Variants in PKD1L1 observed in about 807,000 individuals in gnomAD.
PKD1L1 encodes the protein polycystin-1-like protein 1.
Under a neutral mutation model 323.4 loss-of-function variants are expected in PKD1L1, and 236 were observed. The ratio of observed to expected loss-of-function variants is 0.73; its 90% confidence interval spans 0.66 to 0.81. The LOEUF (loss-of-function observed/expected upper bound fraction) is 0.81. Ranked by LOEUF, PKD1L1 falls within the 40% of genes least tolerant of loss-of-function variation. The probability of loss-of-function intolerance (pLI) is 0.00; values close to 1 mark genes in which losing one functional copy is unlikely to be tolerated. For synonymous variants in PKD1L1, 1,344 were observed against 1,335.0 expected (o/e 1.01, Z -0.15); for missense variants, 3,320 against 3,508.0 (o/e 0.95, Z 1.35).
rs1414318524 is a variant in PKD1L1 at position 47,827,453 on chromosome 7, G to T, written c.6751C>A (p.Gln2251Lys). The change falls in exon 45 of 57, where the codon CAA becomes AAA. Residue 2251 changes from glutamine (Q) to lysine (K), a missense_variant. Physicochemically the swap from Gln to Lys is moderately conservative, Grantham distance 53. Coordinates refer to ENST00000289672, the MANE Select transcript of PKD1L1 (RefSeq NM_138295.5). The part of the protein sequence containing the change: ...GEVEKVLAAR[Q>K]QARHLRWAHP... ...GCCCAGCGCAGGTGGCGAGCTTGTT[G>T]TCGGGCAGCCAAGACCTGTCAGGGA... 3 of 1,609,516 alleles carry T rather than the reference G, an allele frequency of 1.9e-6. No homozygotes were observed. The highest frequency in any genetic ancestry group is 2.5e-6 in the Non-Finnish European group (3 of 1,179,030).
chr7:47,877,926 G>A (rs1395118125), intron 21 of PKD1L1, among the ~76,000 whole-genome samples: 10 of 152,080 alleles, frequency 6.6e-5, no homozygotes, highest in African/African-American at 1.9e-4. Flanking sequence ...AACACTCACT[G>A]GGTGGGGCAG....
intron 15 of PKD1L1, 42 bp from the exon 16 acceptor site, chr7:47,890,805 CAG>C (rs1380357265): frequency 6.3e-7 from 1 of 1,577,180 alleles, no homozygotes; most frequent in South Asian, 1.1e-5. Flanking sequence ...GAGCATCAGG[CAG>C]AGTCAGGGAC....
intron 46 of PKD1L1, among the ~76,000 whole-genome samples, chr7:47,816,158 C>T (rs576247505): frequency 4.6e-5 from 7 of 152,300 alleles, no homozygotes; most frequent in Admixed American, 1.3e-4. Context: ...GCCGACTGGG[C>T]GCAGCATGTG....
At chr7:47,830,669 A>G (rs1475622804) in intron 42 of PKD1L1, among the ~76,000 whole-genome samples, 1 of 152,148 alleles carries the variant, frequency 6.6e-6, no homozygotes, top group Non-Finnish European at 1.5e-5. Context: ...GAGAGACGGG[A>G]AGAAAGGGCC....
intron 26 of PKD1L1, among the ~76,000 whole-genome samples, chr7:47,860,568 C>T (rs751281046): frequency 2.7e-4 from 41 of 152,092 alleles, no homozygotes; most frequent in Admixed American, 9.2e-4. Flanking sequence ...TTTGGAAATG[C>T]GTTTAAACTA....
chr7:47,894,396 T>C (rs1786892193), intron 14 of PKD1L1, among the ~76,000 whole-genome samples: 1 of 152,240 alleles, frequency 6.6e-6, no homozygotes, highest in Admixed American at 6.5e-5. Context: ...TTCAGGCTCC[T>C]GGCTTTTGTG....
At chr7:47,811,680 G>C in intron 50 of PKD1L1, 137 bp downstream of exon 50, 1 of 680,906 alleles carries the variant, frequency 1.5e-6, no homozygotes, top group Non-Finnish European at 2.5e-6. Flanking sequence ...CTGCAAGAAG[G>C]GGATGTGACA....
Position 47,800,426 on chromosome 7 carries a change from G to A in PKD1L1, c.8193+223C>T, listed in dbSNP as rs118172234. On this transcript the variant is annotated intron_variant, in intron 54 of 56. Transcript: ENST00000289672. ...TTCCTGGAGGAAGTGGCACCCTGGG[G>A]TGGCTGCTCTCGTGCTGGACTATTC... is the stretch of plus-strand genomic sequence containing the variant. Among the ~76,000 whole-genome samples the A allele has an allele frequency of 2.9e-3, 435 of 152,272 alleles. 2 individuals are homozygous for A. The highest frequency in any genetic ancestry group is 9.3e-3 in the African/African-American group (386 of 41,554).
intron 39 of PKD1L1, 58 bp from the exon 40 acceptor site, chr7:47,834,443 G>A: frequency 7.1e-7 from 1 of 1,402,368 alleles, no homozygotes; most frequent in African/African-American, 1.4e-5. Flanking sequence ...CATTTAAACA[G>A]GGATATGTTT....
At chr7:47,805,720 T>G (rs1562938300) in intron 52 of PKD1L1, among the ~76,000 whole-genome samples, 1 of 152,208 alleles carries the variant, frequency 6.6e-6, no homozygotes, top group Non-Finnish European at 1.5e-5. Context: ...AGTTCTGTGC[T>G]TAGGAATGCA....
Position 47,918,472 on chromosome 7 carries a change from CA to C in PKD1L1, c.1061-2874del, listed in dbSNP as rs201869839. Among the ~76,000 whole-genome samples, 866 of 123,546 alleles carry C rather than the reference CA, an allele frequency of 7.0e-3. 7 individuals carry two copies. Among genetic ancestry groups the C allele is most frequent in the African/African-American group, 0.036 (787 of 22,072 alleles). The allele number at this position is 123,546 out of a possible 152,430, so 81.1% of individuals were successfully genotyped here. On this transcript the variant is annotated intron_variant, in intron 7 of 56. Coordinates refer to ENST00000289672, the MANE Select transcript of PKD1L1 (RefSeq NM_138295.5). ...GGTCATCAAGACAGAAAGTCAACAA[CA>C]AAAAAAAAAACAATGGATTTAAACT... is the stretch of plus-strand genomic sequence containing the variant.
At chr7:47,849,438 C>T (rs2128740194) in intron 31 of PKD1L1, among the ~76,000 whole-genome samples, 1 of 152,222 alleles carries the variant, frequency 6.6e-6, no homozygotes, top group Middle Eastern at 3.4e-3. Context: ...AAAAAATTTG[C>T]AAACTATGCA....
At chr7:47,788,249 G>T (rs1786856228) in intron 56 of PKD1L1, among the ~76,000 whole-genome samples, 1 of 150,990 alleles carries the variant, frequency 6.6e-6, no homozygotes, top group Non-Finnish European at 1.5e-5. Context: ...TTTGGTGAAG[G>T]TTATTAATAT....
intron 47 of PKD1L1, 37 bp downstream of exon 47, chr7:47,815,297 G>C: frequency 6.2e-7 from 1 of 1,603,482 alleles, no homozygotes; most frequent in Non-Finnish European, 8.5e-7. Flanking sequence ...TAGCTTTTCT[G>C]AGATGATCTC....
intron 23 of PKD1L1, among the ~76,000 whole-genome samples, chr7:47,875,548 A>G (rs1002602331): frequency 6.6e-6 from 1 of 152,192 alleles, no homozygotes; most frequent in African/African-American, 2.4e-5. Context: ...ACCTTCCTAA[A>G]TGGCTGCATG....
At chr7:47,906,461 C>G (rs1011229978) in intron 9 of PKD1L1, among the ~76,000 whole-genome samples, 5 of 152,140 alleles carry the variant, frequency 3.3e-5, no homozygotes, top group African/African-American at 1.2e-4. Flanking sequence ...ACACCATACA[C>G]AGCATATGCA....
At chr7:47,874,473 C>A (rs373914568) in intron 23 of PKD1L1, among the ~76,000 whole-genome samples, 3 of 152,132 alleles carry the variant, frequency 2.0e-5, no homozygotes, top group African/African-American at 4.8e-5. Context: ...ATCTTTATAA[C>A]AACATTTTCA....
intron 37 of PKD1L1, 114 bp downstream of exon 37, chr7:47,836,807 C>G: frequency 7.7e-7 from 1 of 1,300,278 alleles, no homozygotes; most frequent in East Asian, 2.5e-5. Context: ...GGCTTGCTTC[C>G]CCTGGTTTAA....
intron 24 of PKD1L1, among the ~76,000 whole-genome samples, chr7:47,868,361 C>T (rs1448350996): frequency 6.6e-6 from 1 of 151,416 alleles, no homozygotes. Flanking sequence ...AGGGTGAGAC[C>T]TTGTCTCAAG....
Sources: allele counts gnomAD v4.1 joint callset (sites outside exome capture counted in the v4.1 genomes callset), GRCh38; gene constraint gnomAD v4.1.1; transcripts MANE v1.5; gene names NCBI Gene and HGNC (gene_info 2026-07-23, HGNC 2026-07-21).